The following PXDN variants were observed in gnomAD, a reference collection of about 807,000 sequenced individuals.
The protein encoded by PXDN is peroxidasin.
PXDN carries 77 observed loss-of-function variants against 140.3 expected under a neutral mutation model. The ratio of observed to expected loss-of-function variants is 0.55; its 90% CI spans 0.46 to 0.66. The LOEUF (loss-of-function observed/expected upper bound fraction) is 0.66. PXDN is among the 30% of genes least tolerant of loss of function. PXDN has a pLI of 0.00. For missense variants in PXDN, 1,838 were observed against 2,039.5 expected (o/e 0.90, Z 1.90); for synonymous variants, 911 against 857.4 (o/e 1.06, Z -1.09).
intron 14 of PXDN, among the ~76,000 whole-genome samples, chr2:1,658,096 T>G (rs1163044081): frequency 8.2e-6 from 1 of 122,262 alleles, no homozygotes; most frequent in Non-Finnish European, 1.6e-5. Context: ...CTCTCTCTGT[T>G]ACAGTGTCTG....
At chr2:1,663,521 A>G in intron 12 of PXDN, 84 bp downstream of exon 12, 3 of 1,539,382 alleles carry the variant, frequency 1.9e-6, no homozygotes, top group Non-Finnish European at 1.8e-6. Flanking sequence ...ACGAAGAGTA[A>G]CACTAATGTC....
At chr2:1,690,423 A>T (rs2125449098) in intron 3 of PXDN, among the ~76,000 whole-genome samples, 1 of 152,330 alleles carries the variant, frequency 6.6e-6, no homozygotes. Context: ...CAGTGAAAAC[A>T]GAGCATCCCC....
At chr2:1,665,230 T>C (rs1019539973) in intron 10 of PXDN, among the ~76,000 whole-genome samples, 156 bp from the exon 11 acceptor site, 3 of 151,954 alleles carry the variant, frequency 2.0e-5, no homozygotes, top group African/African-American at 4.8e-5. Flanking sequence ...CAGGAGAAGA[T>C]GGGAGCAGAA....
At chr2:1,708,287 C>G (rs539316815) in intron 1 of PXDN, among the ~76,000 whole-genome samples, 32 of 152,350 alleles carry the variant, frequency 2.1e-4, no homozygotes, top group African/African-American at 7.2e-4. Context: ...CCCAGCAGGA[C>G]GCTTTAGCCG....
Position 1,649,220 on chromosome 2 carries a change from C to G in PXDN, c.2560G>C (p.Asp854His). Residue 854 changes from aspartate to histidine, a missense_variant, in exon 17 of 23, where the codon GAC (aspartate) becomes CAC (histidine). Asp to His is a moderately conservative substitution (Grantham distance 81). Around this residue, in one of 5 missense-constraint regions of PXDN, gnomAD observed 850 missense variants for 894.1 expected, o/e 0.95. Transcript: ENST00000252804. This position sits in a 1 kb window ranked among gnomAD's most constrained non-coding sequence, Gnocchi z 7.1. ...ATCATGACAGAGAAGCAGGGGGGGT[C>G]GTTGCTGCACACGTTGCTGCAGTGC... The part of the protein sequence containing the change: ...GQHCSNVCSN[D>H]PPCFSVMIPP... The G allele has an allele frequency of 6.2e-7, 1 of 1,612,528 alleles. No homozygotes were observed. Among genetic ancestry groups the G allele is most frequent in the Non-Finnish European group, 8.5e-7 (1 of 1,179,610 alleles).
At chr2:1,662,775 A>G (rs1366730717) in intron 12 of PXDN, among the ~76,000 whole-genome samples, 1 of 152,166 alleles carries the variant, frequency 6.6e-6, no homozygotes, top group Non-Finnish European at 1.5e-5. Flanking sequence ...GCCGGTCATC[A>G]ACAGCCTACT....
At chr2:1,654,897 C>T (rs932952636) in intron 14 of PXDN, among the ~76,000 whole-genome samples, 1 of 152,092 alleles carries the variant, frequency 6.6e-6, no homozygotes, top group Admixed American at 6.5e-5. Flanking sequence ...TTCCTCTCAT[C>T]AAAGGCCACA....
At position 1,706,820 on chromosome 2, in the gene PXDN, C is replaced by T. The variant is rs533086214; in HGVS notation, c.201-13686G>A. On this transcript the variant is annotated intron_variant, in intron 1 of 22. Coordinates refer to ENST00000252804, the MANE Select transcript of PXDN (RefSeq NM_012293.3). The stretch of plus-strand genomic sequence containing the variant: ...TCAGCTCTAAGCATCGCCTGCCCCA[C>T]TAATAATACAATCCGAGAGCACGCT... 5.1e-5 allele frequency among the ~76,000 whole-genome samples: 7 copies of T among 136,582 alleles called. No homozygotes were observed. In the South Asian group the frequency reaches 1.7e-3, roughly 33 times the overall value. 89.6% of individuals were successfully genotyped at this position (136,582 alleles called of 152,430 possible).
intron 1 of PXDN, among the ~76,000 whole-genome samples, chr2:1,738,534 T>C (rs997650944): frequency 1.3e-5 from 2 of 148,566 alleles, no homozygotes; most frequent in African/African-American, 4.9e-5. Flanking sequence ...ATCAGCATAA[T>C]GCAAGTTGAT....
chr2:1,692,423 C>A, intron 2 of PXDN: 1 of 454,662 alleles, frequency 2.2e-6, no homozygotes, highest in South Asian at 1.6e-5. Context: ...CATTCGAGCG[C>A]ACAGACAAGG....
intron 11 of PXDN, 81 bp downstream of exon 11, chr2:1,664,877 T>C (rs1160693704): frequency 3.3e-6 from 4 of 1,220,068 alleles, no homozygotes; most frequent in Non-Finnish European, 4.6e-6. Context: ...CACGCTGGGG[T>C]TGCCTGGGCA....
chr2:1,706,017 G>C (rs1162682646), intron 1 of PXDN, among the ~76,000 whole-genome samples: 1 of 152,158 alleles, frequency 6.6e-6, no homozygotes, highest in African/African-American at 2.4e-5. Context: ...AAGGCTACTG[G>C]CTTCTCTGAT....
chr2:1,696,548 G>A (rs1470855944), intron 1 of PXDN, among the ~76,000 whole-genome samples: 2 of 152,118 alleles, frequency 1.3e-5, no homozygotes, highest in East Asian at 1.9e-4. Flanking sequence ...TACTGCAGAG[G>A]GGAGAGGACT....
chr2:1,723,744 G>A (rs557269087), intron 1 of PXDN, among the ~76,000 whole-genome samples: 4 of 152,224 alleles, frequency 2.6e-5, no homozygotes, highest in East Asian at 1.9e-4. Context: ...ATGGGTAAAC[G>A]TGAATGGATA....
chr2:1,729,505 T>G (rs62116647), intron 1 of PXDN, among the ~76,000 whole-genome samples: 38,326 of 150,900 alleles, frequency 0.25, 5,487 homozygotes, highest in East Asian at 0.64. Flanking sequence ...AAGCCCACCG[T>G]AGGCCAACCA....
At chr2:1,692,381 G>A in intron 2 of PXDN, 3 of 405,146 alleles carry the variant, frequency 7.4e-6, no homozygotes, top group South Asian at 5.7e-5. Flanking sequence ...GGACAGACGT[G>A]CCAGGAAAGG....
chr2:1,678,705 G>A (rs1181643427), intron 7 of PXDN, among the ~76,000 whole-genome samples: 2 of 152,196 alleles, frequency 1.3e-5, no homozygotes, highest in African/African-American at 4.8e-5. Context: ...AGGTCCCTGG[G>A]CCCCCCTGAG....
At chr2:1,737,514 T>C (rs1204136016) in intron 1 of PXDN, among the ~76,000 whole-genome samples, 2 of 150,844 alleles carry the variant, frequency 1.3e-5, no homozygotes, top group Non-Finnish European at 2.9e-5. Context: ...GAAGAGAAAT[T>C]AGATGGGGAA....
rs369583152 is a variant in PXDN at position 1,653,683 on chromosome 2, C to A, written c.2049G>T (p.Leu683Phe). 35 of 1,611,680 alleles carry A rather than the reference C, an allele frequency of 2.2e-5. No individual in the cohort carries two copies. Among genetic ancestry groups the A allele is most frequent in the Non-Finnish European group, 2.9e-5 (34 of 1,179,066 alleles). Residue 683 changes from leucine to phenylalanine, a missense_variant, in exon 16 of 23, where the codon TTG becomes TTT. Around this residue, in one of 5 missense-constraint regions of PXDN, gnomAD observed 537 missense variants for 583.9 expected, o/e 0.92. Transcript: ENST00000252804. The part of the protein sequence containing the change: ...ARAGEIFERT[L>F]QLIQEHVQHG... ...GCTGTACATGCTCCTGAATGAGCTGCAATGTCCGTTCAAAGATTTCTCCCG... is the reference window on the plus strand; with the variant it reads ...GCTGTACATGCTCCTGAATGAGCTGAAATGTCCGTTCAAAGATTTCTCCCG...
Sources: gnomAD v4.1 joint callset for allele counts (sites outside exome capture counted in the v4.1 genomes callset) on GRCh38, gnomAD v4.1.1 for gene constraint, gnomAD v4.1.1 regional missense constraint, Gnocchi (gnomAD v3.1) non-coding constraint, MANE v1.5 for transcripts, NCBI Gene and HGNC (gene_info 2026-07-23, HGNC 2026-07-21) for gene names.